TOX2: variants seen among roughly 807,000 people sequenced by gnomAD.
TOX2 encodes the protein granulosa cell HMG box 1.
In TOX2, 15 loss-of-function variants were observed where a neutral mutation model predicts 47.4. That is an observed-to-expected ratio of 0.32 (90% CI 0.21 to 0.49). TOX2 has a LOEUF of 0.49. Ranked by LOEUF, TOX2 falls within the 20% of genes least tolerant of loss-of-function variation. The probability of loss-of-function intolerance (pLI) is 0.99; values close to 1 mark genes in which losing one functional copy is unlikely to be tolerated. For missense variants in TOX2, 622 were observed against 673.1 expected, an observed-to-expected ratio of 0.92 and a Z score of 0.84; for synonymous variants, 290 against 296.6, an observed-to-expected ratio of 0.98 and a Z score of 0.23.
chr20:44,042,390 T>G (rs1225763786), intron 3 of TOX2, among the ~76,000 whole-genome samples: 6 of 152,222 alleles, frequency 3.9e-5, no homozygotes, highest in Non-Finnish European at 8.8e-5. Context: ...TGTAAAAGTT[T>G]GTTGAAAGCA....
chr20:43,982,932 T>G (rs1346216144), intron 2 of TOX2, among the ~76,000 whole-genome samples: 1 of 151,734 alleles, frequency 6.6e-6, no homozygotes, highest in Non-Finnish European at 1.5e-5. Context: ...ACTTTGTTCC[T>G]AGAGTGAGAA....
At chr20:43,950,548 C>A in intron 1 of TOX2, among the ~76,000 whole-genome samples, 1 of 151,624 alleles carries the variant, frequency 6.6e-6, no homozygotes, top group South Asian at 2.1e-4. Flanking sequence ...TCACACCTGC[C>A]GGCAGCTCCC....
chr20:44,064,747 C>G, intron 5 of TOX2, 30 bp from the exon 6 acceptor site: 1 of 1,608,752 alleles, frequency 6.2e-7, no homozygotes, highest in South Asian at 1.1e-5. Context: ...AACTTTCTCC[C>G]CAGTGTTGCT....
At position 44,051,174 on chromosome 20, in the gene TOX2, G is replaced by C. The variant is rs557595051; in HGVS notation, c.412-132G>C. 2.2e-6 allele frequency: 3 copies of C among 1,336,654 alleles called. No individual in the cohort carries two copies. The East Asian group carries it at 7.6e-5, about 34-fold the overall frequency. The allele number at this position is 1,336,654 out of a possible 1,614,324, so 82.8% of individuals were successfully genotyped here. On this transcript the variant is annotated intron_variant, in intron 3 of 8. Transcript: ENST00000341197. ...TGAGGCTCCATCTTGAGATTCACCTGTCAGGGATCGGAGCAGGAGCCGCAC... is the reference window on the plus strand; with the variant it reads ...TGAGGCTCCATCTTGAGATTCACCTCTCAGGGATCGGAGCAGGAGCCGCAC...
At position 43,945,710 on chromosome 20, in the gene TOX2, G is replaced by A. The variant is rs2069457791; in HGVS notation, c.100-27657G>A. The A allele has an allele frequency of 1.1e-5, 7 of 652,114 alleles. No individual in the cohort carries two copies. The South Asian group carries it at 1.2e-4, about 11-fold the overall frequency. 40.4% of individuals were successfully genotyped at this position (652,114 alleles called of 1,614,324 possible). The stretch of plus-strand genomic sequence containing the variant: ...GACCTGGCGTGGAGACCGCCACCAG[G>A]AGCTCCGAACACGCAGGCCCAAATT... On this transcript the variant is annotated intron_variant, in intron 1 of 8. Coordinates refer to ENST00000341197, the MANE Select transcript of TOX2 (RefSeq NM_001098797.2).
chr20:43,938,805 G>C (rs1247413581), intron 1 of TOX2, among the ~76,000 whole-genome samples: 1 of 152,208 alleles, frequency 6.6e-6, no homozygotes, highest in African/African-American at 2.4e-5. Flanking sequence ...CTGCATTGAG[G>C]GGGTGACTGG....
At chr20:43,960,943 T>A (rs548538533) in intron 1 of TOX2, among the ~76,000 whole-genome samples, 7 of 152,356 alleles carry the variant, frequency 4.6e-5, no homozygotes, top group African/African-American at 1.4e-4. Context: ...ATGAGGAAAC[T>A]GAGGCCTAGA....
intron 1 of TOX2, among the ~76,000 whole-genome samples, chr20:43,926,442 T>C (rs2069168899): frequency 6.6e-6 from 1 of 152,150 alleles, no homozygotes; most frequent in South Asian, 2.1e-4. Flanking sequence ...CCTCTCTGAG[T>C]CGTGGTTTCC....
intron 3 of TOX2, among the ~76,000 whole-genome samples, chr20:44,048,173 C>T (rs567392579): frequency 2.0e-4 from 31 of 151,740 alleles, no homozygotes; most frequent in African/African-American, 4.8e-4. Flanking sequence ...TGTGGTGAGC[C>T]GAGATAGCAT....
At chr20:44,012,297 T>A (rs1218732071) in intron 3 of TOX2, among the ~76,000 whole-genome samples, 1 of 152,188 alleles carries the variant, frequency 6.6e-6, no homozygotes, top group African/African-American at 2.4e-5. Context: ...AGGAGAGGAA[T>A]TACCCTGGGA....
chr20:43,946,599 G>A (rs6103527), intron 1 of TOX2, among the ~76,000 whole-genome samples: 19 of 152,132 alleles, frequency 1.2e-4, no homozygotes, highest in Admixed American at 1.3e-4. Flanking sequence ...CACCTTTTCC[G>A]TTTGTGAAGT....
chr20:43,985,328 GT>G (rs2070245005), intron 2 of TOX2, among the ~76,000 whole-genome samples: 1 of 152,218 alleles, frequency 6.6e-6, no homozygotes, highest in Non-Finnish European at 1.5e-5. Context: ...ACCTGGCTGA[GT>G]CACACCAATG....
chr20:43,964,871 C>T (rs1308950320), intron 1 of TOX2, among the ~76,000 whole-genome samples: 1 of 152,104 alleles, frequency 6.6e-6, no homozygotes, highest in African/African-American at 2.4e-5. Flanking sequence ...TGTCATATTC[C>T]CTGCTCCTTG....
intron 1 of TOX2, among the ~76,000 whole-genome samples, chr20:43,919,264 C>T (rs1250277510): frequency 3.9e-5 from 6 of 152,352 alleles, no homozygotes; most frequent in African/African-American, 1.4e-4. Flanking sequence ...ACAAAAGTCA[C>T]TCAAATCACT....
At chr20:44,037,022 G>A (rs555290644) in intron 3 of TOX2, among the ~76,000 whole-genome samples, 8 of 152,172 alleles carry the variant, frequency 5.3e-5, no homozygotes, top group African/African-American at 1.9e-4. Context: ...TGGTGCGATC[G>A]CAGCTCATTG....
At chr20:43,979,630 T>A (rs1037925292) in intron 2 of TOX2, among the ~76,000 whole-genome samples, 30 of 152,210 alleles carry the variant, frequency 2.0e-4, no homozygotes, top group African/African-American at 6.7e-4. Context: ...GCAAACTACC[T>A]GATGAGATTA....
intron 3 of TOX2, among the ~76,000 whole-genome samples, chr20:44,016,699 G>C (rs2070884457): frequency 6.6e-6 from 1 of 152,168 alleles, no homozygotes; most frequent in South Asian, 2.1e-4. Flanking sequence ...TCCGCCTGCT[G>C]TTCGCTCTGC....
At position 44,054,495 on chromosome 20, in the gene TOX2, T is replaced by C. The variant is rs1400082561; in HGVS notation, c.848T>C (p.Met283Thr). 2 of 1,613,966 alleles carry C rather than the reference T, an allele frequency of 1.2e-6. No homozygotes were observed. Among genetic ancestry groups the C allele is most frequent in the East Asian group, 4.5e-5 (2 of 44,886 alleles). The change falls in exon 5 of 9, where the codon ATG becomes ACG. Residue 283 changes from methionine to threonine, a missense_variant. Physicochemically the swap from Met to Thr is moderately conservative, Grantham distance 81. This residue lies in a region of TOX2 where 294 missense variants were observed against 300.0 expected (regional missense o/e 0.98). Transcript: ENST00000341197. ...GACGTGTCCAAAATCGTGGCCTCCA[T>C]GTGGGACAGCCTGGGAGAGGAACAG... ...FGDVSKIVAS[M>T]WDSLGEEQKQ...
intron 1 of TOX2, among the ~76,000 whole-genome samples, chr20:43,962,664 C>A (rs2069783226): frequency 1.3e-5 from 2 of 152,176 alleles, no homozygotes. Context: ...GGTCACTCTC[C>A]CTCTGCAAAC....
Sources: allele counts gnomAD v4.1 joint callset (sites outside exome capture counted in the v4.1 genomes callset), GRCh38; gene constraint gnomAD v4.1.1; regional missense constraint gnomAD v4.1.1; transcripts MANE v1.5; gene names NCBI Gene and HGNC (gene_info 2026-07-23, HGNC 2026-07-21).